The following CCDC30 variants were observed in gnomAD, a reference collection of about 807,000 sequenced individuals.
CCDC30 encodes coiled-coil domain containing 30.
CCDC30 carries 70 observed loss-of-function variants against 100.2 expected under a neutral mutation model. The observed-to-expected ratio is 0.70, with a 90% CI of 0.58 to 0.85. The LOEUF (loss-of-function observed/expected upper bound fraction) is 0.85. Ranked by LOEUF, CCDC30 falls within the 40% of genes least tolerant of loss-of-function variation. The pLI, the probability that CCDC30 is intolerant of heterozygous loss-of-function variation, is 0.00. For missense variants in CCDC30, 652 were observed against 771.2 expected (o/e 0.85, Z 1.83); for synonymous variants, 233 against 269.5 (o/e 0.86, Z 1.33).
downstream of CCDC30, among the ~76,000 whole-genome samples, chr1:42,655,059 A>G (rs549244931): frequency 1.1e-4 from 16 of 152,278 alleles, no homozygotes; most frequent in East Asian, 2.1e-3. Context: ...ATTCAAGTAC[A>G]TATATTCTAA....
chr1:42,469,481 A>G (rs1279773851), intron 1 of CCDC30, among the ~76,000 whole-genome samples: 2 of 152,236 alleles, frequency 1.3e-5, no homozygotes, highest in African/African-American at 4.8e-5. Flanking sequence ...AAAACAGGAC[A>G]GTAGCTAGAG....
intron 12 of CCDC30, among the ~76,000 whole-genome samples, chr1:42,637,974 C>T (rs912152275): frequency 6.6e-6 from 1 of 151,994 alleles, no homozygotes; most frequent in Non-Finnish European, 1.5e-5. Flanking sequence ...GGTCACTAGC[C>T]CTTTCAGAAT....
At chr1:42,509,161 C>CCAA (rs1176153466) in intron 6 of CCDC30, among the ~76,000 whole-genome samples, 1 of 152,142 alleles carries the variant, frequency 6.6e-6, no homozygotes, top group Non-Finnish European at 1.5e-5. Context: ...TTTGACCCAA[C>CCAA]CAACTCCATC....
At chr1:42,621,069 C>A (rs1213808448) in intron 11 of CCDC30, among the ~76,000 whole-genome samples, 2 of 152,044 alleles carry the variant, frequency 1.3e-5, no homozygotes, top group Non-Finnish European at 2.9e-5. Flanking sequence ...GGATTACAAC[C>A]CAGAGCATAG....
chr1:42,605,988 G>A (rs552792253), intron 10 of CCDC30, among the ~76,000 whole-genome samples: 1 of 152,190 alleles, frequency 6.6e-6, no homozygotes, highest in African/African-American at 2.4e-5. Flanking sequence ...TTGCAGATGA[G>A]CCACATAGCT....
intron 6 of CCDC30, among the ~76,000 whole-genome samples, chr1:42,515,150 A>C (rs1184746545): frequency 6.6e-6 from 1 of 151,860 alleles, no homozygotes; most frequent in African/African-American, 2.4e-5. Context: ...ACAGTCATAC[A>C]CAGAGAGAAT....
Position 42,508,362 on chromosome 1 carries a change from C to G in CCDC30, c.456+9446C>G, listed in dbSNP as rs115282365. ...GTAATCAGCCCACTCCCCATGGGAG[C>G]CTTATCCCTTAATTTGGGGTGGGGA... On this transcript the variant is annotated intron_variant, in intron 6 of 16. Transcript: ENST00000668663. Among the ~76,000 whole-genome samples the G allele has an allele frequency of 7.9e-3, 1,200 of 152,300 alleles. 21 individuals are homozygous for G. The highest frequency in any genetic ancestry group is 0.027 in the African/African-American group (1,121 of 41,562).
chr1:42,562,830 G>A (rs776505166), intron 6 of CCDC30, among the ~76,000 whole-genome samples: 4 of 152,126 alleles, frequency 2.6e-5, no homozygotes, highest in Admixed American at 6.5e-5. Flanking sequence ...AGACATTTAC[G>A]TGGCCAACAA....
intron 1 of CCDC30, among the ~76,000 whole-genome samples, chr1:42,465,528 C>T (rs1447916917): frequency 2.0e-5 from 3 of 152,046 alleles, no homozygotes; most frequent in Non-Finnish European, 4.4e-5. Flanking sequence ...CCACACCCTG[C>T]TAATTTTGTA....
chr1:42,512,816 A>G (rs577481890), intron 6 of CCDC30, among the ~76,000 whole-genome samples: 1 of 152,098 alleles, frequency 6.6e-6, no homozygotes, highest in Non-Finnish European at 1.5e-5. Flanking sequence ...AACTCATTCA[A>G]ACATGGCCAA....
At chr1:42,642,151 G>A (rs1309102561) in intron 12 of CCDC30, among the ~76,000 whole-genome samples, 1 of 151,998 alleles carries the variant, frequency 6.6e-6, no homozygotes, top group Non-Finnish European at 1.5e-5. Flanking sequence ...GCATGAACCT[G>A]GGAGGTGGAG....
chr1:42,475,563 A>C (rs955503189), intron 1 of CCDC30, among the ~76,000 whole-genome samples: 1 of 152,200 alleles, frequency 6.6e-6, no homozygotes, highest in East Asian at 1.9e-4. Flanking sequence ...CATTATAGAA[A>C]ATTTGAGAAA....
chr1:42,594,907 A>G (rs1239490500), intron 10 of CCDC30: 5 of 152,154 alleles, frequency 3.3e-5, no homozygotes, highest in Admixed American at 2.6e-4. Context: ...AATATCATAT[A>G]TCAATCACAG....
At chr1:42,638,559 CAAAA>C (rs55773821) in intron 12 of CCDC30, among the ~76,000 whole-genome samples, 7 of 116,404 alleles carry the variant, frequency 6.0e-5, no homozygotes, top group South Asian at 2.7e-4. Flanking sequence ...CACCCATGGG[CAAAA>C]AAAAAAAAAA....
At chr1:42,546,955 G>T (rs1387390028) in intron 6 of CCDC30, among the ~76,000 whole-genome samples, 1 of 152,132 alleles carries the variant, frequency 6.6e-6, no homozygotes, top group Non-Finnish European at 1.5e-5. Flanking sequence ...ATTCATCAAT[G>T]AAGTGAGAAA....
At chr1:42,589,428 A>C (rs1204397756) in exon 10 of CCDC30, 1 of 1,613,976 alleles carries the variant, frequency 6.2e-7, no homozygotes. Flanking sequence ...TCCAGAATTC[A>C]GCAACAAGAG....
At chr1:42,651,044 C>T (rs538782817) in intron 15 of CCDC30, among the ~76,000 whole-genome samples, 1 of 152,160 alleles carries the variant, frequency 6.6e-6, no homozygotes, top group South Asian at 2.1e-4. Flanking sequence ...GAAAGTGGAC[C>T]GTTACCTAAC....
chr1:42,599,196 T>C (rs536326445), intron 10 of CCDC30, among the ~76,000 whole-genome samples: 1 of 152,316 alleles, frequency 6.6e-6, no homozygotes, highest in Non-Finnish European at 1.5e-5. Context: ...TATAAATATA[T>C]ATACACACAC....
intron 10 of CCDC30, among the ~76,000 whole-genome samples, chr1:42,597,928 C>T (rs898809585): frequency 1.4e-4 from 21 of 151,548 alleles, no homozygotes; most frequent in Non-Finnish European, 1.5e-4. Flanking sequence ...GAGGCTGAGG[C>T]GGGAGGATCA....
Sources: gnomAD v4.1 joint callset for allele counts (sites outside exome capture counted in the v4.1 genomes callset) on GRCh38, gnomAD v4.1.1 for gene constraint, MANE v1.5 for transcripts, NCBI Gene and HGNC (gene_info 2026-07-23, HGNC 2026-07-21) for gene names.